RAPH1: variants seen among roughly 807,000 people sequenced by gnomAD.
The protein encoded by RAPH1 is ras-associated and pleckstrin homology domains-containing protein 1.
A neutral mutation model predicts 88.1 loss-of-function variants in RAPH1; 18 were observed. That is an observed-to-expected ratio of 0.20 (90% CI 0.14 to 0.30). The LOEUF is 0.30. Ranked by LOEUF, RAPH1 falls within the 10% of genes least tolerant of loss-of-function variation. The probability of loss-of-function intolerance (pLI) is 1.00; values close to 1 mark genes in which losing one functional copy is unlikely to be tolerated. For synonymous variants in RAPH1, 587 were observed against 559.0 expected (o/e 1.05, Z -0.71); for missense variants, 1,448 against 1,543.2 (o/e 0.94, Z 1.03).
At chr2:203,485,998 A>G (rs1385825603) in intron 4 of RAPH1, among the ~76,000 whole-genome samples, 1 of 152,042 alleles carries the variant, frequency 6.6e-6, no homozygotes, top group Admixed American at 6.6e-5. Flanking sequence ...ATGGGCTACT[A>G]AAACACTGGC....
At chr2:203,511,403 G>C (rs995771381) in intron 1 of RAPH1, among the ~76,000 whole-genome samples, 3 of 152,102 alleles carry the variant, frequency 2.0e-5, no homozygotes, top group Non-Finnish European at 2.9e-5. Context: ...ATTCTGCAAT[G>C]CACTTTAGCT....
At position 203,441,407 on chromosome 2, in the gene RAPH1, T is replaced by C. The variant is rs2153633609; in HGVS notation, c.1783A>G (p.Met595Val). ...GTGTAGGGCCGATTCATAGACTCCA[T>C]TCTGGCCTAAAAGGAGTATAAAAAG... The part of the protein sequence containing the change: ...TQLEESSKAR[M>V]ESMNRPYTSL... Residue 595 changes from methionine to valine, a missense_variant, in exon 14 of 14, where the codon ATG becomes GTG. Around this residue, in one of 2 missense-constraint regions of RAPH1, gnomAD observed 935 missense variants for 890.1 expected, o/e 1.05. Transcript: ENST00000319170. 6.5e-7 allele frequency: 1 copy of C among 1,545,942 alleles called. No individual in the cohort carries two copies. The highest frequency in any genetic ancestry group is 1.3e-5 in the South Asian group (1 of 77,228).
At chr2:203,458,849 G>A (rs1020404955) in intron 7 of RAPH1, among the ~76,000 whole-genome samples, 2 of 151,638 alleles carry the variant, frequency 1.3e-5, no homozygotes, top group Non-Finnish European at 2.9e-5. Context: ...TGCAAGCTCC[G>A]ACTCCCGGAT....
intron 4 of RAPH1, among the ~76,000 whole-genome samples, chr2:203,462,473 G>A (rs1315809907): frequency 6.6e-6 from 1 of 152,138 alleles, no homozygotes; most frequent in Non-Finnish European, 1.5e-5. Context: ...AATCTCATTA[G>A]TATACCAATA....
At chr2:203,523,760 A>G (rs568314744) in intron 1 of RAPH1, among the ~76,000 whole-genome samples, 18 of 152,234 alleles carry the variant, frequency 1.2e-4, no homozygotes, top group African/African-American at 4.3e-4. Flanking sequence ...TAATCCCAGC[A>G]CTTTGGGAGG....
chr2:203,510,335 C>CAAAAA (rs33911103), intron 1 of RAPH1, among the ~76,000 whole-genome samples: 17 of 38,090 alleles, frequency 4.5e-4, no homozygotes, highest in African/African-American at 1.6e-3. Context: ...AACTCCATCT[C>CAAAAA]AAAAAAAAAA....
At chr2:203,441,801 A>G in intron 13 of RAPH1, 2 of 1,284,864 alleles carry the variant, frequency 1.6e-6, no homozygotes, top group South Asian at 2.7e-5. Context: ...TTCCAAGGGG[A>G]GATGTGATGG....
At position 203,441,084 on chromosome 2, in the gene RAPH1, C is replaced by T; in HGVS notation, c.2106G>A (p.Leu702=). The change falls in exon 14 of 14, where the codon CTG becomes CTA. Residue 702 remains leucine, a synonymous_variant. Coordinates refer to ENST00000319170, the MANE Select transcript of RAPH1 (RefSeq NM_213589.3). ...MQSQSVKPQI[L]VPPNGVVPPP... is the part of the protein sequence containing the mutation. Reference sequence around the variant, plus strand: ...GTGGAACAACTCCATTGGGGGGTACCAGGATCTGAGGCTTCACTGACTGTG... The same window carrying T: ...GTGGAACAACTCCATTGGGGGGTACTAGGATCTGAGGCTTCACTGACTGTG... The T allele has an allele frequency of 6.3e-7, 1 of 1,594,060 alleles. No individual in the cohort carries two copies. The highest frequency in any genetic ancestry group is 8.6e-7 in the Non-Finnish European group (1 of 1,167,172).
At chr2:203,522,302 A>G (rs1407904861) in intron 1 of RAPH1, among the ~76,000 whole-genome samples, 1 of 152,248 alleles carries the variant, frequency 6.6e-6, no homozygotes, top group Non-Finnish European at 1.5e-5. Flanking sequence ...TATCATAAAA[A>G]TAAAGCTATG....
rs766937819 is a variant in RAPH1 at position 203,454,555 on chromosome 2, C to T, written c.1303-15G>A. ...TCCCGAGAGACCTAAGATAAAAACA[C>T]CAAAAAGATAAAATTAATAATAATG... On this transcript the variant is annotated splice_polypyrimidine_tract_variant and intron_variant, in intron 9 of 13. Transcript: ENST00000319170. 2 of 1,567,984 alleles carry T rather than the reference C, an allele frequency of 1.3e-6. No individual in the cohort carries two copies. The highest frequency in any genetic ancestry group is 2.3e-5 in the South Asian group (2 of 88,526).
intron 5 of RAPH1, 21 bp downstream of exon 5, chr2:203,461,827 A>T: frequency 6.4e-7 from 1 of 1,568,982 alleles, no homozygotes; most frequent in Non-Finnish European, 8.6e-7. Flanking sequence ...ATCCCAAACC[A>T]GGAAGAGGCC....
At chr2:203,455,889 G>A (rs934815740) in intron 8 of RAPH1, among the ~76,000 whole-genome samples, 1 of 150,542 alleles carries the variant, frequency 6.6e-6, no homozygotes, top group Non-Finnish European at 1.5e-5. Flanking sequence ...CGAGCCTGTA[G>A]TCCCAGTTAT....
intron 1 of RAPH1, among the ~76,000 whole-genome samples, chr2:203,510,661 G>C (rs1339479208): frequency 7.2e-5 from 11 of 151,860 alleles, no homozygotes; most frequent in Non-Finnish European, 1.2e-4. Flanking sequence ...TAAACCAATA[G>C]GGAGTGGTGA....
intron 4 of RAPH1, among the ~76,000 whole-genome samples, chr2:203,480,318 G>C (rs1687664854): frequency 6.6e-6 from 1 of 152,194 alleles, no homozygotes; most frequent in South Asian, 2.1e-4. Flanking sequence ...GGAGGCCCAG[G>C]CGGGTGAATC....
At chr2:203,466,076 C>T (rs2098528202) in intron 4 of RAPH1, among the ~76,000 whole-genome samples, 1 of 152,204 alleles carries the variant, frequency 6.6e-6, no homozygotes, top group African/African-American at 2.4e-5. Context: ...TTTATGCTTA[C>T]ATAAAGTGGT....
In RAPH1 at chr2:203,439,776, A is replaced by C; in HGVS notation, c.3414T>G (p.Ile1138Met). The part of the protein sequence containing the change: ...NDSTRLTQAE[I>M]SEQPTMATVV... Reference sequence around the variant, plus strand: ...CTGTGGCCATTGTTGGCTGCTCAGAAATCTCAGCTTGAGTGAGGCGGGTGC... The same window carrying C: ...CTGTGGCCATTGTTGGCTGCTCAGACATCTCAGCTTGAGTGAGGCGGGTGC... Residue 1138 changes from isoleucine to methionine, a missense_variant, in exon 14 of 14, where the codon ATT (isoleucine) becomes ATG (methionine). By Grantham distance (10) the Ile-to-Met change is conservative (BLOSUM62 1). Coordinates refer to ENST00000319170, the MANE Select transcript of RAPH1 (RefSeq NM_213589.3). The C allele has an allele frequency of 1.2e-6, 2 of 1,614,098 alleles. No individual in the cohort carries two copies. Among genetic ancestry groups the C allele is most frequent in the Non-Finnish European group, 1.7e-6 (2 of 1,180,016 alleles).
At chr2:203,522,895 C>CAAAAA (rs59862473) in intron 1 of RAPH1, among the ~76,000 whole-genome samples, 20 of 85,774 alleles carry the variant, frequency 2.3e-4, no homozygotes, top group African/African-American at 7.2e-4. Context: ...GACTCTGTCT[C>CAAAAA]AAAAAAAAAA....
chr2:203,449,794 G>A (rs1209887156), intron 10 of RAPH1, among the ~76,000 whole-genome samples: 2 of 152,164 alleles, frequency 1.3e-5, no homozygotes, highest in Non-Finnish European at 2.9e-5. Context: ...GGAGGCCGAG[G>A]CGGGTGGATC....
intron 4 of RAPH1, among the ~76,000 whole-genome samples, chr2:203,484,051 T>A (rs1687851021): frequency 6.6e-6 from 1 of 152,128 alleles, no homozygotes; most frequent in Non-Finnish European, 1.5e-5. Context: ...CTAATTTCCA[T>A]AATAAATCCC....
Sources: allele counts gnomAD v4.1 joint callset (sites outside exome capture counted in the v4.1 genomes callset), GRCh38; gene constraint gnomAD v4.1.1; regional missense constraint gnomAD v4.1.1; transcripts MANE v1.5; gene names NCBI Gene and HGNC (gene_info 2026-07-23, HGNC 2026-07-21).